Variants in SPATA9 observed in about 807,000 individuals in gnomAD.
SPATA9 encodes the protein spermatogenesis associated 9.
In SPATA9, 27 loss-of-function variants were observed where a neutral mutation model predicts 25.5. The ratio of observed to expected loss-of-function variants is 1.06; its 90% confidence interval spans 0.78 to 1.46. SPATA9 has a LOEUF of 1.46. Ranked by LOEUF, SPATA9 falls within the 40% of genes most tolerant of loss-of-function variation. SPATA9 has a pLI of 0.00. For synonymous variants in SPATA9, 102 were observed against 105.7 expected (o/e 0.97, Z 0.21); for missense variants, 282 against 297.5 (o/e 0.95, Z 0.38).
chr5:95,665,501 A>G (rs1751703421), intron 3 of SPATA9, among the ~76,000 whole-genome samples: 1 of 152,154 alleles, frequency 6.6e-6, no homozygotes, highest in Admixed American at 6.5e-5. Flanking sequence ...TGCCTGGCTT[A>G]TTTCATTTAA....
In SPATA9 at chr5:95,675,499, A is replaced by C. The variant is rs1752843702; in HGVS notation, c.291T>G (p.Leu97=). The change falls in exon 3 of 5, where the codon CTT becomes CTG. Residue 97 remains leucine (L), a synonymous_variant. Transcript: ENST00000274432. ...KSVAKLLHPQ[L]ACRLLELRDI... The stretch of plus-strand genomic sequence containing the variant: ...CCCTTAGCTCTAAAAGTCTGCATGC[A>C]AGCTGAGGATGCAGAAGTTTGGCCA... The C allele has an allele frequency of 6.2e-7, 1 of 1,614,144 alleles. No homozygotes were observed. Among genetic ancestry groups the C allele is most frequent in the East Asian group, 2.2e-5 (1 of 44,888 alleles).
rs568418712 is a variant in SPATA9 at position 95,662,633 on chromosome 5, T to C, written c.474+1320A>G. ...CAAGTCACGGAGTAAGAGAAGAAAT[T>C]TGTCCATATATAATCAAAAAAGGAC... is the stretch of plus-strand genomic sequence containing the variant. On this transcript the variant is annotated intron_variant, in intron 4 of 4. Transcript: ENST00000274432. Among the ~76,000 whole-genome samples, 4 of 152,284 alleles carry C rather than the reference T, an allele frequency of 2.6e-5. No homozygotes were observed. In the East Asian group the frequency reaches 7.7e-4, roughly 29 times the overall value.
At chr5:95,694,132 C>A (rs1227843759) in intron 1 of SPATA9, among the ~76,000 whole-genome samples, 1 of 151,946 alleles carries the variant, frequency 6.6e-6, no homozygotes, top group Non-Finnish European at 1.5e-5. Flanking sequence ...TACACTCCAG[C>A]CTGGGAAAGA....
chr5:95,714,035 T>C, the SPATA9 span, among the ~76,000 whole-genome samples: 2 of 152,204 alleles, frequency 1.3e-5, no homozygotes, highest in Admixed American at 1.3e-4. Context: ...ATGATGATTT[T>C]ATCCCTTTTC....
At chr5:95,667,116 TAG>T (rs1247203132) in intron 3 of SPATA9, among the ~76,000 whole-genome samples, 2 of 152,224 alleles carry the variant, frequency 1.3e-5, no homozygotes, top group Non-Finnish European at 2.9e-5. Flanking sequence ...TTTTCTATGT[TAG>T]GTTGAAAGTA....
the SPATA9 span, chr5:95,731,907 G>A: frequency 6.2e-7 from 1 of 1,614,088 alleles, no homozygotes; most frequent in Non-Finnish European, 8.5e-7. Context: ...CATTCCACCA[G>A]GACAACCGGC....
chr5:95,686,610 C>A (rs1241992326), upstream of SPATA9, among the ~76,000 whole-genome samples: 2 of 152,162 alleles, frequency 1.3e-5, no homozygotes, highest in African/African-American at 4.8e-5. Flanking sequence ...GTCTCAACAT[C>A]TACTATTGAA....
intron 1 of SPATA9, among the ~76,000 whole-genome samples, chr5:95,693,366 C>A (rs1228217319): frequency 6.6e-6 from 1 of 152,102 alleles, no homozygotes; most frequent in Admixed American, 6.5e-5. Flanking sequence ...CATAATATAT[C>A]CATAATAGCT....
the SPATA9 span, among the ~76,000 whole-genome samples, chr5:95,725,152 G>A: frequency 1.1e-4 from 17 of 152,172 alleles, no homozygotes; most frequent in African/African-American, 3.9e-4. Flanking sequence ...TAGCCCACGA[G>A]TGTATCTACA....
intron 1 of SPATA9, among the ~76,000 whole-genome samples, chr5:95,690,576 G>A (rs887618076): frequency 3.3e-5 from 5 of 152,164 alleles, no homozygotes; most frequent in African/African-American, 1.2e-4. Context: ...TGCAATGGAA[G>A]AATCAGGCCA....
chr5:95,673,316 A>T (rs1752592314), intron 3 of SPATA9, among the ~76,000 whole-genome samples: 1 of 152,112 alleles, frequency 6.6e-6, no homozygotes, highest in Non-Finnish European at 1.5e-5. Context: ...GCTCTGGCTG[A>T]TGCTTTTGCT....
At position 95,653,314 on chromosome 5, in the gene SPATA9, A is replaced by G. The variant is rs559485928; in HGVS notation, c.*448-105T>C. On this transcript the variant is annotated intron_variant and NMD_transcript_variant, in intron 8 of 8. Coordinates refer to the SPATA9 transcript ENST00000316087. Reference sequence around the variant, plus strand: ...CCAACTGTGTACTCCAGGCAAAACCAAGTGGACCACCTTAGCCAAGAGGCT... The same window carrying G: ...CCAACTGTGTACTCCAGGCAAAACCGAGTGGACCACCTTAGCCAAGAGGCT... The G allele has an allele frequency of 3.9e-4, 580 of 1,489,332 alleles. 1 individual carries two copies. The African/African-American group carries it at 7.0e-3, about 18-fold the overall frequency. 92.3% of individuals were successfully genotyped at this position (1,489,332 alleles called of 1,614,324 possible).
the SPATA9 span, chr5:95,731,575 G>A: frequency 4.6e-6 from 7 of 1,518,628 alleles, no homozygotes; most frequent in Non-Finnish European, 6.2e-6. Flanking sequence ...CGAGGGGGAC[G>A]CGGCCGGGGA....
At chr5:95,691,201 G>A (rs1314711235) in intron 1 of SPATA9, among the ~76,000 whole-genome samples, 1 of 136,872 alleles carries the variant, frequency 7.3e-6, no homozygotes, top group African/African-American at 2.8e-5. Context: ...GGGCGACAGA[G>A]CAAGACTCCG....
intron 4 of SPATA9, chr5:95,659,484 A>G (rs17084956): frequency 0.045 from 6,835 of 152,434 alleles, 211 homozygotes; most frequent in Middle Eastern, 0.082. Context: ...ATTCAGAACC[A>G]CTAAGGACTG....
At position 95,658,617 on chromosome 5, in the gene SPATA9, C is replaced by T. The variant is rs760848069; in HGVS notation, c.*6G>A. The T allele has an allele frequency of 1.2e-6, 2 of 1,609,624 alleles. No homozygotes were observed. Among genetic ancestry groups the T allele is most frequent in the African/African-American group, 2.7e-5 (2 of 74,530 alleles). On this transcript the variant is annotated 3_prime_UTR_variant, in exon 5 of 5. Coordinates refer to ENST00000274432, the MANE Select transcript of SPATA9 (RefSeq NM_031952.4). Reference sequence around the variant, plus strand: ...ACTCTTAAGTTCTGTTCAGTGATACCTGTATTCAGATTTGCTCATTCATTT... The same window carrying T: ...ACTCTTAAGTTCTGTTCAGTGATACTTGTATTCAGATTTGCTCATTCATTT...
At chr5:95,725,142 T>C in the SPATA9 span, among the ~76,000 whole-genome samples, 2 of 152,232 alleles carry the variant, frequency 1.3e-5, no homozygotes, top group Non-Finnish European at 2.9e-5. Flanking sequence ...AACCTGGGAA[T>C]AGCCCACGAG....
chr5:95,669,220 C>T (rs1319197703), intron 3 of SPATA9, among the ~76,000 whole-genome samples: 1 of 152,172 alleles, frequency 6.6e-6, no homozygotes, highest in Non-Finnish European at 1.5e-5. Flanking sequence ...ATGTCCTAAT[C>T]CCTTTGCCAA....
the SPATA9 span, among the ~76,000 whole-genome samples, chr5:95,720,791 A>G: frequency 6.6e-6 from 1 of 152,194 alleles, no homozygotes; most frequent in Non-Finnish European, 1.5e-5. Flanking sequence ...ATCAGTAAAA[A>G]CAGATTTTTG....
Sources: gnomAD v4.1 joint callset for allele counts (sites outside exome capture counted in the v4.1 genomes callset) on GRCh38, gnomAD v4.1.1 for gene constraint, MANE v1.5 for transcripts, NCBI Gene and HGNC (gene_info 2026-07-23, HGNC 2026-07-21) for gene names.